Variants in COPG1 observed in about 807,000 individuals in gnomAD.
The protein encoded by COPG1 is coatomer subunit gamma-1.
In COPG1, 29 loss-of-function variants were observed where a neutral mutation model predicts 102.8. That is an observed-to-expected ratio of 0.28 (90% CI 0.21 to 0.38). The LOEUF is 0.38. Among genes scored for constraint, COPG1 ranks in the 10% least tolerant of loss-of-function variants. The probability of loss-of-function intolerance (pLI) is 1.00; values close to 1 mark genes in which losing one functional copy is unlikely to be tolerated. For synonymous variants in COPG1, 406 were observed against 421.6 expected, an observed-to-expected ratio of 0.96 and a Z score of 0.45; for missense variants, 875 against 1,132.7, an observed-to-expected ratio of 0.77 and a Z score of 3.27.
chr3:129,254,941 AGGACTGACT>A, intron 6 of COPG1, 35 bp from the exon 7 acceptor site: 1 of 1,529,256 alleles, frequency 6.5e-7, no homozygotes, highest in South Asian at 1.1e-5. Flanking sequence ...AGAGCTGCCA[AGGACTGACT>A]GGATCTCCTT....
chr3:129,256,726 C>T (rs529600793), intron 8 of COPG1, among the ~76,000 whole-genome samples: 12 of 152,328 alleles, frequency 7.9e-5, no homozygotes, highest in Non-Finnish European at 1.3e-4. Flanking sequence ...TTATGTATTC[C>T]CTTTATCTCT....
rs373108909 is a variant in COPG1, at chr3:129,257,610, G to A, written c.720G>A (p.Leu240=). 1 of 1,614,230 alleles carries A rather than the reference G, an allele frequency of 6.2e-7. No homozygotes were observed. The highest frequency in any genetic ancestry group is 8.5e-7 in the Non-Finnish European group (1 of 1,180,034). ...TGATCCGGGTGGCCAGCAAGCAGCT[G>A]GAAGAGGAGGATGGCAGGTAACGGC... ...CMMIRVASKQ[L]EEEDGSRDSP... is the part of the protein sequence containing the mutation. The change falls in exon 9 of 24, where the codon CTG becomes CTA. Residue 240 remains leucine, a synonymous_variant. Coordinates refer to ENST00000314797, the MANE Select transcript of COPG1 (RefSeq NM_016128.4).
At position 129,274,929 on chromosome 3, in the gene COPG1, T is replaced by C. The variant is rs1940237658; in HGVS notation, c.2348T>C (p.Phe783Ser). Residue 783 changes from phenylalanine to serine, a missense_variant, in exon 22 of 24, where the codon TTT becomes TCT. Phe to Ser is a radical substitution (Grantham distance 155). Coordinates refer to ENST00000314797, the MANE Select transcript of COPG1 (RefSeq NM_016128.4). ...GCCTGGGATGAGGTAGGGGATGAATTTGAGAAGGAGGAAACGTTCACCTTG... is the reference window on the plus strand; with the variant it reads ...GCCTGGGATGAGGTAGGGGATGAATCTGAGAAGGAGGAAACGTTCACCTTG... ...EAAWDEVGDE[F>S]EKEETFTLST... 2.5e-6 allele frequency: 4 copies of C among 1,614,088 alleles called. No homozygotes were observed. Among genetic ancestry groups the C allele is most frequent in the Non-Finnish European group, 3.4e-6 (4 of 1,180,020 alleles).
At chr3:129,270,108 G>GC (rs1024528632) in intron 18 of COPG1, among the ~76,000 whole-genome samples, 3 of 148,060 alleles carry the variant, frequency 2.0e-5, no homozygotes, top group African/African-American at 7.5e-5. Flanking sequence ...GATTACACTG[G>GC]CCCCCCCTGG....
intron 3 of COPG1, 59 bp from the exon 4 acceptor site, chr3:129,252,564 G>A: frequency 6.9e-7 from 1 of 1,440,032 alleles, no homozygotes. Flanking sequence ...GGCTGATCCT[G>A]AAAGAACTGC....
chr3:129,267,170 A>C, intron 15 of COPG1, 71 bp downstream of exon 15: 1 of 1,129,830 alleles, frequency 8.9e-7, no homozygotes, highest in Non-Finnish European at 1.3e-6. Flanking sequence ...CTTTGTCTTT[A>C]TTTTTTTTTA....
chr3:129,256,251 C>A, intron 8 of COPG1, 97 bp downstream of exon 8: 2 of 982,870 alleles, frequency 2.0e-6, no homozygotes, highest in Non-Finnish European at 3.2e-6. Context: ...ATCCTTGTGA[C>A]CCCTGGCCAT....
At chr3:129,262,639 C>T (rs1337421328) in intron 12 of COPG1, among the ~76,000 whole-genome samples, 1 of 151,712 alleles carries the variant, frequency 6.6e-6, no homozygotes, top group Non-Finnish European at 1.5e-5. Flanking sequence ...GTGAGGATCA[C>T]TTGAACCCAG....
chr3:129,252,549 G>T (rs1939721530), intron 3 of COPG1, 74 bp from the exon 4 acceptor site: 2 of 1,291,256 alleles, frequency 1.5e-6, no homozygotes, highest in Non-Finnish European at 2.2e-6. Context: ...TGGGGATCTG[G>T]TGTGGGCTGA....
chr3:129,250,330 A>T (rs1427712823), intron 1 of COPG1, among the ~76,000 whole-genome samples: 1 of 152,146 alleles, frequency 6.6e-6, no homozygotes. Flanking sequence ...ATTATTTGCA[A>T]ATGTGTCATC....
rs766291598 is a variant in COPG1, at chr3:129,265,603, G to A, written c.1279G>A (p.Glu427Lys). The change falls in exon 14 of 24, where the codon GAG becomes AAG. Residue 427 changes from glutamate (E) to lysine (K), a missense_variant. Transcript: ENST00000314797. Reference sequence around the variant, plus strand: ...GGACTGCATCATCAGCATCATTGAAGAGAACTCAGAGAGCAAGGAGACAGG... The same window carrying A: ...GGACTGCATCATCAGCATCATTGAAAAGAACTCAGAGAGCAAGGAGACAGG... Reference protein sequence around the residue: ...IVDCIISIIEENSESKETGLS... With the variant: ...IVDCIISIIEKNSESKETGLS... The A allele has an allele frequency of 8.1e-6, 13 of 1,614,206 alleles. No individual in the cohort carries two copies. Among genetic ancestry groups the A allele is most frequent in the Non-Finnish European group, 1.1e-5 (13 of 1,180,034 alleles).
intron 20 of COPG1, 83 bp downstream of exon 20, chr3:129,272,498 T>C (rs1940202950): frequency 2.6e-6 from 3 of 1,134,194 alleles, no homozygotes; most frequent in Non-Finnish European, 3.8e-6. Flanking sequence ...ACCAGCTGTT[T>C]GCCTTCTATT....
chr3:129,268,772 GAC>G (rs1940121502), intron 17 of COPG1, 152 bp downstream of exon 17: 1 of 1,141,488 alleles, frequency 8.8e-7, no homozygotes, highest in Non-Finnish European at 1.3e-6. Flanking sequence ...AGAAAATAGA[GAC>G]ACACATACAC....
chr3:129,268,330 T>C (rs1012123050), intron 16 of COPG1, among the ~76,000 whole-genome samples, 165 bp from the exon 17 acceptor site: 1 of 152,204 alleles, frequency 6.6e-6, no homozygotes, highest in Non-Finnish European at 1.5e-5. Context: ...ACCTACCCTG[T>C]AAGGGAGGAT....
intron 16 of COPG1, 147 bp downstream of exon 16, chr3:129,268,187 C>A: frequency 1.4e-6 from 1 of 691,460 alleles, no homozygotes; most frequent in Non-Finnish European, 2.5e-6. Context: ...TCAGGAGGTC[C>A]CGGGTCATTC....
rs146643020 is a variant in COPG1, at chr3:129,267,169, TA to T, written c.1544+71del. The T allele has an allele frequency of 0.013, 15,883 of 1,202,238 alleles. 1,195 individuals carry two copies. The African/African-American group carries it at 0.21, about 16-fold the overall frequency. The allele number at this position is 1,202,238 out of a possible 1,614,324, so 74.5% of individuals were successfully genotyped here. The stretch of plus-strand genomic sequence containing the variant: ...GACCCAAGCAGCTTTCCTTTGTCTT[TA>T]TTTTTTTTTAACTGAAAAGGGAGAG... On this transcript the variant is annotated intron_variant, in intron 15 of 23. Transcript: ENST00000314797.
intron 10 of COPG1, among the ~76,000 whole-genome samples, chr3:129,258,657 C>T (rs1939863534): frequency 6.6e-6 from 1 of 152,160 alleles, no homozygotes; most frequent in Non-Finnish European, 1.5e-5. Context: ...GGGGTTTCAC[C>T]ATATTGGCCA....
intron 4 of COPG1, 71 bp downstream of exon 4, chr3:129,252,765 C>T: frequency 1.3e-6 from 2 of 1,535,162 alleles, no homozygotes; most frequent in Admixed American, 1.7e-5. Flanking sequence ...CCAAAGAGAG[C>T]TGGCCCCACC....
intron 14 of COPG1, 127 bp from the exon 15 acceptor site, chr3:129,266,897 C>T: frequency 1.3e-6 from 1 of 756,340 alleles, no homozygotes. Flanking sequence ...TGACTTTGGG[C>T]CTCCTGGCTT....
Sources: gnomAD v4.1 joint callset for allele counts (sites outside exome capture counted in the v4.1 genomes callset) on GRCh38, gnomAD v4.1.1 for gene constraint, MANE v1.5 for transcripts, NCBI Gene and HGNC (gene_info 2026-07-23, HGNC 2026-07-21) for gene names.